The following TRAPPC10 variants were observed in gnomAD, a reference collection of about 807,000 sequenced individuals.
TRAPPC10 encodes TRAPP 130 kDa subunit.
TRAPPC10 carries 23 observed loss-of-function variants against 125.5 expected under a neutral mutation model. The observed-to-expected ratio is 0.18, with a 90% CI of 0.13 to 0.26. TRAPPC10 has a LOEUF of 0.26. Ranked by LOEUF, TRAPPC10 falls within the 10% of genes least tolerant of loss-of-function variation. TRAPPC10 has a pLI of 1.00. For synonymous variants in TRAPPC10, 509 were observed against 518.0 expected, an observed-to-expected ratio of 0.98 and a Z score of 0.24; for missense variants, 1,123 against 1,308.4, an observed-to-expected ratio of 0.86 and a Z score of 2.19.
At chr21:44,043,175 A>G (rs1168998559) in intron 3 of TRAPPC10, among the ~76,000 whole-genome samples, 2 of 144,092 alleles carry the variant, frequency 1.4e-5, no homozygotes, top group African/African-American at 5.1e-5. Flanking sequence ...ATCATTGTCT[A>G]TCCTGTGCCA....
At chr21:44,028,820 C>T (rs906468044) in intron 1 of TRAPPC10, among the ~76,000 whole-genome samples, 2 of 152,158 alleles carry the variant, frequency 1.3e-5, no homozygotes, top group African/African-American at 4.8e-5. Context: ...TCTCAAGCCC[C>T]GTTTTGGCTC....
intron 2 of TRAPPC10, among the ~76,000 whole-genome samples, chr21:44,035,745 C>G (rs1007516003): frequency 9.2e-5 from 14 of 151,954 alleles, no homozygotes; most frequent in African/African-American, 3.4e-4. Context: ...CCATTACACT[C>G]CAGCCTGGGT....
rs2037951426 is a variant in TRAPPC10, at chr21:44,084,077, A to G, written c.2239-45A>G. On this transcript the variant is annotated intron_variant, in intron 14 of 22. Coordinates refer to ENST00000291574, the MANE Select transcript of TRAPPC10 (RefSeq NM_003274.5). ...CGCGCTACCGCAGGAAGCTAACTGC[A>G]AAACTGGGTGACGTGGTTTCAAATG... is the stretch of plus-strand genomic sequence containing the variant. 1.9e-6 allele frequency: 3 copies of G among 1,611,276 alleles called. No homozygotes were observed. In the South Asian group the frequency reaches 3.3e-5, roughly 18 times the overall value.
At chr21:44,070,631 AG>A (rs1433559224) in intron 7 of TRAPPC10, among the ~76,000 whole-genome samples, 3 of 152,244 alleles carry the variant, frequency 2.0e-5, no homozygotes, top group Admixed American at 2.0e-4. Flanking sequence ...TTTAGGAGCA[AG>A]GGGCTGACAT....
Position 44,012,372 on chromosome 21 carries a change from C to T in TRAPPC10, c.-122C>T. 2.3e-6 allele frequency: 1 copy of T among 438,586 alleles called. No homozygotes were observed. The highest frequency in any genetic ancestry group is 3.0e-6 in the Non-Finnish European group (1 of 330,282). 27.2% of individuals were successfully genotyped at this position (438,586 alleles called of 1,614,324 possible). On this transcript the variant is annotated 5_prime_UTR_variant, in exon 1 of 23. Coordinates refer to ENST00000291574, the MANE Select transcript of TRAPPC10 (RefSeq NM_003274.5). The stretch of plus-strand genomic sequence containing the variant: ...GGCGGCAGCTGCGGCGCAACCGGCT[C>T]CGGAGCTGCCTGGCGCGGCCGGGCG...
chr21:44,055,981 G>A (rs1215107955), intron 5 of TRAPPC10, 88 bp downstream of exon 5: 3 of 1,211,960 alleles, frequency 2.5e-6, no homozygotes, highest in Non-Finnish European at 3.4e-6. Flanking sequence ...TCTAAGTAAG[G>A]CACCTCTCGT....
At chr21:44,090,730 A>G (rs2038517260) in intron 18 of TRAPPC10, among the ~76,000 whole-genome samples, 1 of 152,118 alleles carries the variant, frequency 6.6e-6, no homozygotes, top group South Asian at 2.1e-4. Flanking sequence ...TCTCACCACA[A>G]CTTTTTATCC....
At position 44,087,674 on chromosome 21, in the gene TRAPPC10, A is replaced by C. The variant is rs1334693936; in HGVS notation, c.2540-25A>C. 2 of 1,603,202 alleles carry C rather than the reference A, an allele frequency of 1.2e-6. No individual in the cohort carries two copies. The highest frequency in any genetic ancestry group is 2.2e-5 in the South Asian group (2 of 90,928). ...AAGTGAAACCGAGGGAACAGCTTTG[A>C]AGTGACTTTTTCTGTCCTTCGTAGA... is the stretch of plus-strand genomic sequence containing the variant. On this transcript the variant is annotated intron_variant, in intron 16 of 22. Transcript: ENST00000291574. The surrounding 1 kb of genome is among the most constrained non-coding windows in gnomAD (Gnocchi z 4.6).
intron 9 of TRAPPC10, 144 bp from the exon 10 acceptor site, chr21:44,076,408 T>TA (rs1189262717): frequency 3.4e-5 from 21 of 615,302 alleles, no homozygotes; most frequent in Non-Finnish European, 6.1e-5. Flanking sequence ...TACATAATCA[T>TA]GTAGTTTCCG....
intron 10 of TRAPPC10, 87 bp downstream of exon 10, chr21:44,076,715 A>G: frequency 8.3e-7 from 1 of 1,205,508 alleles, no homozygotes; most frequent in Non-Finnish European, 1.2e-6. Flanking sequence ...TTGGGAAGGA[A>G]CTGGTGTGGG....
chr21:44,069,034 C>A (rs1601737673), intron 7 of TRAPPC10, among the ~76,000 whole-genome samples: 2 of 152,096 alleles, frequency 1.3e-5, no homozygotes, highest in East Asian at 3.8e-4. Flanking sequence ...GAGTTTTGAT[C>A]TAAACATGAA....
rs778348982 is a variant in TRAPPC10 at position 44,055,766 on chromosome 21, C to A, written c.551C>A (p.Thr184Asn). 21 of 1,613,786 alleles carry A rather than the reference C, an allele frequency of 1.3e-5. No homozygotes were observed. In the South Asian group the frequency reaches 2.1e-4, roughly 16 times the overall value. ...CAGGAATCCTGGAATGCCTTCCTGACCAAACTCAGGACATTGCTTCTTATG... is the reference window on the plus strand; with the variant it reads ...CAGGAATCCTGGAATGCCTTCCTGAACAAACTCAGGACATTGCTTCTTATG... ...RTQESWNAFL[T>N]KLRTLLLMSF... is the part of the protein sequence containing the mutation. Residue 184 changes from threonine to asparagine, a missense_variant, in exon 5 of 23, where the codon ACC becomes AAC. Physicochemically the swap from Thr to Asn is moderately conservative, Grantham distance 65 (BLOSUM62 0). Coordinates refer to ENST00000291574, the MANE Select transcript of TRAPPC10 (RefSeq NM_003274.5).
At chr21:44,066,527 G>A (rs2036463494) in intron 7 of TRAPPC10, among the ~76,000 whole-genome samples, 2 of 151,848 alleles carry the variant, frequency 1.3e-5, no homozygotes, top group Non-Finnish European at 1.5e-5. Flanking sequence ...TTTTTTTTCT[G>A]TAACAATTTC....
intron 3 of TRAPPC10, among the ~76,000 whole-genome samples, chr21:44,043,914 T>G (rs2034590667): frequency 6.6e-6 from 1 of 152,134 alleles, no homozygotes; most frequent in Non-Finnish European, 1.5e-5. Flanking sequence ...ACTGTGTGTT[T>G]TAGCTCCCAG....
At chr21:44,024,508 A>G (rs924286698) in intron 1 of TRAPPC10, among the ~76,000 whole-genome samples, 19 of 152,228 alleles carry the variant, frequency 1.2e-4, no homozygotes, top group Admixed American at 6.5e-4. Context: ...TAACTCCACC[A>G]TCAACAACAG....
rs1035705620 is a variant in TRAPPC10, at chr21:44,092,165, G to C, written c.2997+116G>C. 3.0e-6 allele frequency: 4 copies of C among 1,343,952 alleles called. No individual in the cohort carries two copies. In the East Asian group the frequency reaches 9.5e-5, roughly 32 times the overall value. The allele number at this position is 1,343,952 out of a possible 1,614,324, so 83.3% of individuals were successfully genotyped here. On this transcript the variant is annotated intron_variant, in intron 19 of 22. Transcript: ENST00000291574. ...GATAGAACAGCTGCACTGCTGATGAGTAAAGGCTCCTGTGCAGCTCCTCCG... is the reference window on the plus strand; with the variant it reads ...GATAGAACAGCTGCACTGCTGATGACTAAAGGCTCCTGTGCAGCTCCTCCG...
Position 44,086,803 on chromosome 21 carries a change from T to C in TRAPPC10, c.2382T>C (p.Asp794=). 6.2e-7 allele frequency: 1 copy of C among 1,614,164 alleles called. No homozygotes were observed. The highest frequency in any genetic ancestry group is 1.1e-5 in the South Asian group (1 of 91,090). The change falls in exon 16 of 23, where the codon GAT becomes GAC. Residue 794 remains aspartate (D), a splice_region_variant and synonymous_variant. Coordinates refer to ENST00000291574, the MANE Select transcript of TRAPPC10 (RefSeq NM_003274.5). ...GAGCCACGATCTCTTTTCCTTTAGATAGCCTTCTGGCAGGCATTCCTCAGA... is the reference window on the plus strand; with the variant it reads ...GAGCCACGATCTCTTTTCCTTTAGACAGCCTTCTGGCAGGCATTCCTCAGA... ...EPQLHVEPLA[D]SLLAGIPQRV... is the part of the protein sequence containing the mutation.
intron 7 of TRAPPC10, among the ~76,000 whole-genome samples, chr21:44,068,027 G>A (rs554829375): frequency 5.9e-5 from 9 of 151,982 alleles, no homozygotes; most frequent in Non-Finnish European, 1.0e-4. Flanking sequence ...GGCTGGGGCG[G>A]GAGAATTGCT....
chr21:44,090,337 C>T (rs1423864012), intron 18 of TRAPPC10, among the ~76,000 whole-genome samples: 3 of 152,182 alleles, frequency 2.0e-5, no homozygotes, highest in South Asian at 2.1e-4. Context: ...TTGTCAATTG[C>T]CTGCAACCTC....
Sources: allele counts gnomAD v4.1 joint callset (sites outside exome capture counted in the v4.1 genomes callset), GRCh38; gene constraint gnomAD v4.1.1; non-coding constraint Gnocchi (gnomAD v3.1); transcripts MANE v1.5; gene names NCBI Gene and HGNC (gene_info 2026-07-23, HGNC 2026-07-21).